The following DOCK8 variants were observed in gnomAD, a reference collection of about 807,000 sequenced individuals.
DOCK8 encodes dedicator of cytokinesis 8, also known as dedicator of cytokinesis protein 8.
A neutral mutation model predicts 245.6 loss-of-function variants in DOCK8; 141 were observed. The ratio of observed to expected loss-of-function variants is 0.57; its 90% CI spans 0.50 to 0.66. The LOEUF (loss-of-function observed/expected upper bound fraction) is 0.66. Ranked by LOEUF, DOCK8 falls within the 30% of genes least tolerant of loss-of-function variation. The pLI, the probability that DOCK8 is intolerant of heterozygous loss-of-function variation, is 0.00. For missense variants in DOCK8, 2,965 were observed against 2,603.4 expected, an observed-to-expected ratio of 1.14 and a Z score of -3.02; for synonymous variants, 1,168 against 970.2, an observed-to-expected ratio of 1.20 and a Z score of -3.79.
At chr9:214,152 G>T (rs1338119564), upstream of DOCK8, 1 of 288,556 alleles carries the variant, frequency 3.5e-6, no homozygotes, top group Non-Finnish European at 6.5e-6. Context: ...CTCCACTCCC[G>T]TCAACACTGG....
intron 46 of DOCK8, among the ~76,000 whole-genome samples, chr9:463,131 C>T (rs2057857958): frequency 6.6e-6 from 1 of 152,146 alleles, no homozygotes; most frequent in Non-Finnish European, 1.5e-5. Context: ...ATGGCCCACA[C>T]TTGTAGTCCC....
intron 1 of DOCK8, among the ~76,000 whole-genome samples, chr9:266,090 GCAT>G (rs1284418608): frequency 6.6e-6 from 1 of 152,240 alleles, no homozygotes; most frequent in South Asian, 2.1e-4. Flanking sequence ...AGTTTAACGT[GCAT>G]TGTCTTCTCC....
chr9:315,548 G>A (rs1020131962), intron 6 of DOCK8, among the ~76,000 whole-genome samples: 1 of 152,156 alleles, frequency 6.6e-6, no homozygotes, highest in South Asian at 2.1e-4. Flanking sequence ...AGGCATAATG[G>A]TATTGCTGTA....
At chr9:359,464 C>T (rs1210650336) in intron 14 of DOCK8, among the ~76,000 whole-genome samples, 1 of 152,150 alleles carries the variant, frequency 6.6e-6, no homozygotes, top group Non-Finnish European at 1.5e-5. Flanking sequence ...ATAATGTTAG[C>T]TATTTTTTAT....
At chr9:247,231 C>T (rs537968074) in intron 1 of DOCK8, among the ~76,000 whole-genome samples, 1 of 152,116 alleles carries the variant, frequency 6.6e-6, no homozygotes, top group African/African-American at 2.4e-5. Context: ...ATTTATCATA[C>T]TATTAATTTG....
At chr9:448,197 A>C (rs567734757) in intron 44 of DOCK8, among the ~76,000 whole-genome samples, 34 of 152,168 alleles carry the variant, frequency 2.2e-4, no homozygotes, top group African/African-American at 7.9e-4. Flanking sequence ...GGCTCGAGCA[A>C]TTTTCCTACC....
intron 1 of DOCK8, among the ~76,000 whole-genome samples, chr9:223,382 G>C (rs542142267): frequency 1.3e-5 from 2 of 152,210 alleles, no homozygotes; most frequent in East Asian, 3.9e-4. Context: ...GAAATACAAA[G>C]ACAAGTGAGT....
intron 33 of DOCK8, among the ~76,000 whole-genome samples, chr9:425,188 A>G (rs754419584): frequency 1.3e-5 from 2 of 152,144 alleles, no homozygotes; most frequent in Non-Finnish European, 1.5e-5. Flanking sequence ...TGTTTCTACT[A>G]GACAGCATTG....
chr9:388,619 A>G (rs1210424475), intron 23 of DOCK8, among the ~76,000 whole-genome samples: 1 of 151,694 alleles, frequency 6.6e-6, no homozygotes, highest in African/African-American at 2.4e-5. Context: ...CCGTGGTGCA[A>G]TCTTGGCTCA....
chr9:224,362 A>G (rs1424121732), intron 1 of DOCK8, among the ~76,000 whole-genome samples: 1 of 152,190 alleles, frequency 6.6e-6, no homozygotes, highest in Non-Finnish European at 1.5e-5. Context: ...TGGTTTTAAA[A>G]CACAGAATAA....
chr9:268,619 T>A (rs1023515797), intron 1 of DOCK8, among the ~76,000 whole-genome samples: 1 of 152,210 alleles, frequency 6.6e-6, no homozygotes, highest in African/African-American at 2.4e-5. Flanking sequence ...TAGGACCAGT[T>A]TTAGAGTGGC....
At chr9:276,508 A>AT (rs1471121219) in intron 2 of DOCK8, among the ~76,000 whole-genome samples, 1 of 151,936 alleles carries the variant, frequency 6.6e-6, no homozygotes, top group African/African-American at 2.4e-5. Context: ...CAAATTTTGC[A>AT]TTTTTTAGTA....
chr9:240,154 T>G (rs954863026), intron 1 of DOCK8, among the ~76,000 whole-genome samples: 1 of 152,234 alleles, frequency 6.6e-6, no homozygotes, highest in Non-Finnish European at 1.5e-5. Flanking sequence ...ATATTTTTAC[T>G]TATAACATCC....
At chr9:394,980 C>G (rs1302156833) in intron 24 of DOCK8, among the ~76,000 whole-genome samples, 2 of 152,176 alleles carry the variant, frequency 1.3e-5, no homozygotes, top group Admixed American at 6.5e-5. Flanking sequence ...GCAGTGAGTT[C>G]TGAAAGCCTT....
chr9:383,543 A>C (rs2053816209), intron 22 of DOCK8, among the ~76,000 whole-genome samples: 6 of 151,948 alleles, frequency 3.9e-5, no homozygotes, highest in Admixed American at 3.9e-4. Flanking sequence ...AAAAAAAGAT[A>C]CAAAACATTA....
At position 328,249 on chromosome 9, in the gene DOCK8, G is replaced by A. The variant is rs1250913567; in HGVS notation, c.1044+78G>A. The A allele has an allele frequency of 8.0e-6, 12 of 1,509,202 alleles. 1 individual carries two copies. The highest frequency in any genetic ancestry group is 3.6e-5 in the South Asian group (3 of 84,214). The allele number at this position is 1,509,202 out of a possible 1,614,324, so 93.5% of individuals were successfully genotyped here. A position where few individuals can be genotyped will look rare whatever the true frequency, so the allele number is the denominator to read the frequency against. On this transcript the variant is annotated intron_variant, in intron 9 of 47. Transcript: ENST00000432829. ...TTCCCAGCACATGTTTGGGGTGCACGCAATCTCAGAATGTGTCCACATATC... is the reference window on the plus strand; with the variant it reads ...TTCCCAGCACATGTTTGGGGTGCACACAATCTCAGAATGTGTCCACATATC...
intron 5 of DOCK8, among the ~76,000 whole-genome samples, chr9:308,605 T>C (rs548711615): frequency 1.3e-5 from 2 of 152,360 alleles, no homozygotes; most frequent in Non-Finnish European, 2.9e-5. Flanking sequence ...ATTGCAAAAC[T>C]TCCTTTTTCA....
chr9:237,213 G>A (rs1409161695), intron 1 of DOCK8, among the ~76,000 whole-genome samples: 1 of 152,250 alleles, frequency 6.6e-6, no homozygotes, highest in Non-Finnish European at 1.5e-5. Context: ...ACAAGGATTT[G>A]GATGTGGGAG....
chr9:304,739 C>T lies in DOCK8; in HGVS notation c.528+35C>T, dbSNP rs371698979. 7 of 1,613,834 alleles carry T rather than the reference C, an allele frequency of 4.3e-6. No homozygotes were observed. The African/African-American group carries it at 9.3e-5, about 22-fold the overall frequency. ...GTCAACAAACATGGTTACCAGGTTACTGGGCTCTTCTGCCCAGGGCATGCT... is the reference window on the plus strand; with the variant it reads ...GTCAACAAACATGGTTACCAGGTTATTGGGCTCTTCTGCCCAGGGCATGCT... On this transcript the variant is annotated intron_variant, in intron 5 of 47. Transcript: ENST00000432829.
Sources: allele counts gnomAD v4.1 joint callset (sites outside exome capture counted in the v4.1 genomes callset), GRCh38; gene constraint gnomAD v4.1.1; transcripts MANE v1.5; gene names NCBI Gene and HGNC (gene_info 2026-07-23, HGNC 2026-07-21).